SORBS2: variants seen among roughly 807,000 people sequenced by gnomAD.
SORBS2 encodes the protein sorbin and SH3 domain-containing protein 2.
In SORBS2, 46 loss-of-function variants were observed where a neutral mutation model predicts 97.7. The observed-to-expected ratio is 0.47, with a 90% CI of 0.37 to 0.60. The LOEUF (loss-of-function observed/expected upper bound fraction) is 0.60. SORBS2 is among the 20% of genes least tolerant of loss of function. The probability of loss-of-function intolerance (pLI) is 0.00; values close to 1 mark genes in which losing one functional copy is unlikely to be tolerated. For missense variants in SORBS2, 1,316 were observed against 1,282.3 expected (o/e 1.03, Z -0.40); for synonymous variants, 476 against 473.4 (o/e 1.01, Z -0.07).
intron 1 of SORBS2, among the ~76,000 whole-genome samples, chr4:185,787,470 C>T (rs928236329): frequency 1.5e-4 from 23 of 152,120 alleles, no homozygotes; most frequent in Admixed American, 1.2e-3. Flanking sequence ...TTATACGACC[C>T]GAGGGGATTA....
intron 1 of SORBS2, among the ~76,000 whole-genome samples, chr4:185,886,563 A>AAAAAAAAAAAAAAAAAAAG (rs2099239691): frequency 2.4e-5 from 3 of 127,544 alleles, no homozygotes; most frequent in African/African-American, 6.1e-5. Context: ...TCAAAAAAAA[A>AAAAAAAAAAAAAAAAAAAG]AAAAAAAAAA....
intron 2 of SORBS2, among the ~76,000 whole-genome samples, chr4:185,764,499 C>T (rs1244069935): frequency 6.6e-6 from 1 of 152,106 alleles, no homozygotes; most frequent in African/African-American, 2.4e-5. Context: ...TTCATTTTCT[C>T]TTTGAATTCA....
At chr4:185,795,209 G>C (rs2099099228) in intron 1 of SORBS2, among the ~76,000 whole-genome samples, 1 of 152,088 alleles carries the variant, frequency 6.6e-6, no homozygotes, top group Non-Finnish European at 1.5e-5. Flanking sequence ...AATTTATATA[G>C]CAGATTCTTG....
intron 2 of SORBS2, among the ~76,000 whole-genome samples, chr4:185,767,327 C>A (rs1426241978): frequency 1.4e-5 from 2 of 144,386 alleles, no homozygotes; most frequent in African/African-American, 5.0e-5. Context: ...GGTGAAACCC[C>A]GTCTCTACTA....
At chr4:185,701,775 C>T (rs923915906) in intron 2 of SORBS2, among the ~76,000 whole-genome samples, 2 of 144,404 alleles carry the variant, frequency 1.4e-5, no homozygotes, top group Middle Eastern at 3.6e-3. Flanking sequence ...AAATTTCTTT[C>T]TTTTTTTTTT....
chr4:185,908,891 T>G (rs2099253226), intron 1 of SORBS2, among the ~76,000 whole-genome samples: 1 of 151,718 alleles, frequency 6.6e-6, no homozygotes, highest in African/African-American at 2.4e-5. Context: ...GCATTATACA[T>G]GTACTTTATA....
chr4:185,896,538 C>A (rs553690505), intron 1 of SORBS2, among the ~76,000 whole-genome samples: 6 of 152,200 alleles, frequency 3.9e-5, no homozygotes, highest in African/African-American at 1.4e-4. Context: ...GAGCCAAGAT[C>A]GCGCCACTGC....
At chr4:185,955,443 G>C (rs1295071759) in intron 1 of SORBS2, among the ~76,000 whole-genome samples, 2 of 152,200 alleles carry the variant, frequency 1.3e-5, no homozygotes, top group African/African-American at 4.8e-5. Flanking sequence ...CCTTCTAACA[G>C]ATAATTGATG....
intron 1 of SORBS2, among the ~76,000 whole-genome samples, chr4:185,874,888 T>C (rs1277982651): frequency 6.6e-6 from 1 of 151,562 alleles, no homozygotes; most frequent in Non-Finnish European, 1.5e-5. Context: ...CTACAGTATA[T>C]TGTGTTTGGC....
chr4:185,614,831 C>G (rs1421376640), exon 11 of SORBS2: 17 of 1,613,928 alleles, frequency 1.1e-5, no homozygotes, highest in Non-Finnish European at 1.7e-6. Context: ...GCTGGGCTAC[C>G]TTTCTCAGTG....
At chr4:185,866,240 T>C (rs1309905130) in intron 1 of SORBS2, among the ~76,000 whole-genome samples, 2 of 152,196 alleles carry the variant, frequency 1.3e-5, no homozygotes, top group Admixed American at 1.3e-4. Flanking sequence ...TGTGCCAGTG[T>C]TCCCAGCCTC....
intron 2 of SORBS2, among the ~76,000 whole-genome samples, chr4:185,742,556 T>C (rs562064183): frequency 6.6e-6 from 1 of 152,344 alleles, no homozygotes; most frequent in Admixed American, 6.5e-5. Flanking sequence ...CCAGGGCATT[T>C]TTCTTCAAGG....
intron 2 of SORBS2, among the ~76,000 whole-genome samples, chr4:185,752,116 A>G (rs2098804058): frequency 1.3e-5 from 2 of 152,200 alleles, no homozygotes; most frequent in South Asian, 2.1e-4. Flanking sequence ...AGAGGATCCC[A>G]GGGAAAACAG....
At chr4:185,614,464 C>G (rs2096597879) in intron 11 of SORBS2, among the ~76,000 whole-genome samples, 1 of 152,028 alleles carries the variant, frequency 6.6e-6, no homozygotes, top group East Asian at 1.9e-4. Context: ...ATTGGAATAT[C>G]TTGTTTTTAA....
chr4:185,602,318 A>AT (rs1159587332), intron 12 of SORBS2, among the ~76,000 whole-genome samples: 1 of 152,180 alleles, frequency 6.6e-6, no homozygotes, highest in Non-Finnish European at 1.5e-5. Flanking sequence ...AATTTATACT[A>AT]TTTTTTGTTA....
chr4:185,617,069 C>A (rs1437540497), intron 9 of SORBS2, among the ~76,000 whole-genome samples: 1 of 152,146 alleles, frequency 6.6e-6, no homozygotes, highest in Non-Finnish European at 1.5e-5. Flanking sequence ...ATTAAGACTT[C>A]TCAGAAGACC....
intron 1 of SORBS2, among the ~76,000 whole-genome samples, chr4:185,839,146 A>C (rs543367972): frequency 4.7e-4 from 72 of 152,332 alleles, no homozygotes; most frequent in African/African-American, 1.2e-3. Flanking sequence ...GGTGGGACTT[A>C]TGCTCCCCAT....
exon 15 of SORBS2, chr4:185,587,676 C>T (rs764188180): frequency 6.2e-7 from 1 of 1,613,118 alleles, no homozygotes; most frequent in South Asian, 1.1e-5. Context: ...GAATTTGGTT[C>T]TTCTTGAGGT....
chr4:185,809,602 A>T (rs141206491), intron 1 of SORBS2, among the ~76,000 whole-genome samples: 251 of 152,272 alleles, frequency 1.6e-3, no homozygotes, highest in Middle Eastern at 3.4e-3. Flanking sequence ...GTCTTGAAGG[A>T]TAGAGATTAT....
Sources: allele counts gnomAD v4.1 joint callset (sites outside exome capture counted in the v4.1 genomes callset), GRCh38; gene constraint gnomAD v4.1.1; transcripts MANE v1.5; gene names NCBI Gene and HGNC (gene_info 2026-07-23, HGNC 2026-07-21).